The following CIMAP1D variants were observed in gnomAD, a reference collection of about 807,000 sequenced individuals.
CIMAP1D encodes the protein protein CIMAP1D.
chr19:472,517 C>G, the CIMAP1D span: 1 of 1,513,206 alleles, frequency 6.6e-7, no homozygotes, highest in Non-Finnish European at 8.9e-7. Context: ...GCCCAAAGCC[C>G]TCAGGTCACC....
At chr19:478,795 C>G in the CIMAP1D span, among the ~76,000 whole-genome samples, 3 of 152,264 alleles carry the variant, frequency 2.0e-5, no homozygotes, top group Non-Finnish European at 2.9e-5. Flanking sequence ...GACGTCACTG[C>G]CCGGCCTGGG....
the CIMAP1D span, among the ~76,000 whole-genome samples, chr19:469,250 C>A: frequency 6.7e-6 from 1 of 148,778 alleles, no homozygotes; most frequent in Non-Finnish European, 1.5e-5. Context: ...GGGAGTGTCT[C>A]ACTCTATCGC....
At chr19:470,848 G>A in the CIMAP1D span, among the ~76,000 whole-genome samples, 10 of 152,352 alleles carry the variant, frequency 6.6e-5, no homozygotes, top group East Asian at 1.5e-3. Flanking sequence ...CCTGGGTGCC[G>A]GGCGGGGTCC....
the CIMAP1D span, chr19:467,827 C>T: frequency 1.5e-5 from 15 of 1,017,052 alleles, no homozygotes; most frequent in Non-Finnish European, 2.1e-5. Flanking sequence ...ACCGCCCGGC[C>T]TCAGTGCCCC....
the CIMAP1D span, among the ~76,000 whole-genome samples, chr19:484,771 C>A: frequency 2.0e-5 from 3 of 151,814 alleles, no homozygotes; most frequent in African/African-American, 7.3e-5. Flanking sequence ...GGAGGGAGGG[C>A]GGGGCTGACC....
At chr19:487,363 G>A in the CIMAP1D span, among the ~76,000 whole-genome samples, 2 of 151,510 alleles carry the variant, frequency 1.3e-5, no homozygotes, top group South Asian at 2.1e-4. Flanking sequence ...TATTATGCCC[G>A]AGGTTTATGG....
At chr19:476,582 T>C in the CIMAP1D span, among the ~76,000 whole-genome samples, 1 of 152,340 alleles carries the variant, frequency 6.6e-6, no homozygotes, top group African/African-American at 2.4e-5. Flanking sequence ...GTATTGCATG[T>C]TTTAAAATTT....
the CIMAP1D span, among the ~76,000 whole-genome samples, chr19:481,148 GGGAAGGATGAT>G: frequency 5.1e-5 from 3 of 58,360 alleles, no homozygotes; most frequent in East Asian, 7.4e-4. Context: ...GAAGGATGAT[GGGAAGGATGAT>G]GGGAAGGATG....
the CIMAP1D span, among the ~76,000 whole-genome samples, chr19:478,081 T>A: frequency 1.3e-5 from 2 of 152,128 alleles, no homozygotes; most frequent in African/African-American, 2.4e-5. Flanking sequence ...GGACACACCA[T>A]TTGCTCGTTT....
the CIMAP1D span, among the ~76,000 whole-genome samples, chr19:474,429 A>C: frequency 6.6e-6 from 1 of 152,212 alleles, no homozygotes. Context: ...TTGGACAGAC[A>C]CATACTCGGG....
the CIMAP1D span, among the ~76,000 whole-genome samples, chr19:466,591 A>G: frequency 1.7e-5 from 2 of 115,224 alleles, no homozygotes; most frequent in Admixed American, 2.1e-4. Context: ...AGATGAGTGG[A>G]TTGAAGGATG....
chr19:480,371 G>C, the CIMAP1D span, among the ~76,000 whole-genome samples: 1 of 152,264 alleles, frequency 6.6e-6, no homozygotes, highest in African/African-American at 2.4e-5. Flanking sequence ...TGACATCTGG[G>C]AGAGCAAAAC....
chr19:481,914 T>C, the CIMAP1D span, among the ~76,000 whole-genome samples: 1 of 151,810 alleles, frequency 6.6e-6, no homozygotes, highest in African/African-American at 2.4e-5. Flanking sequence ...TAGCTAGGAC[T>C]ATAGGCATGT....
chr19:483,426 C>T, the CIMAP1D span, among the ~76,000 whole-genome samples: 9 of 152,258 alleles, frequency 5.9e-5, no homozygotes, highest in South Asian at 6.2e-4. Flanking sequence ...GACAGACCTC[C>T]ACCTGCCTGA....
the CIMAP1D span, among the ~76,000 whole-genome samples, chr19:468,287 G>A: frequency 6.6e-6 from 1 of 152,110 alleles, no homozygotes; most frequent in Non-Finnish European, 1.5e-5. Flanking sequence ...GATCACTTGA[G>A]CCTGGGAGGT....
At chr19:466,925 G>A in the CIMAP1D span, among the ~76,000 whole-genome samples, 4 of 95,904 alleles carry the variant, frequency 4.2e-5, no homozygotes, top group Non-Finnish European at 4.4e-5. Context: ...GTGGATAGAT[G>A]GTTGGGTGGA....
chr19:480,805 GTAGGAAGGATGA>G, the CIMAP1D span, among the ~76,000 whole-genome samples: 93 of 122,342 alleles, frequency 7.6e-4, 8 homozygotes, highest in Middle Eastern at 5.0e-3. Context: ...CAGAAGGAAT[GTAGGAAGGATGA>G]TGGGGAAGGA....
the CIMAP1D span, chr19:472,548 A>C: frequency 7.4e-7 from 1 of 1,352,592 alleles, no homozygotes; most frequent in Non-Finnish European, 1.0e-6. Context: ...AGATTCCCCG[A>C]AGAAGGAGCC....
chr19:474,637 C>A, the CIMAP1D span: 1 of 1,567,090 alleles, frequency 6.4e-7, no homozygotes, highest in Non-Finnish European at 8.7e-7. Flanking sequence ...CCAGGGTGGC[C>A]GTCCCACAGG....
Sources: gnomAD v4.1 joint callset for allele counts (sites outside exome capture counted in the v4.1 genomes callset) on GRCh38, gnomAD v4.1.1 for gene constraint, MANE v1.5 for transcripts, NCBI Gene and HGNC (gene_info 2026-07-23, HGNC 2026-07-21) for gene names.